The following IPPK variants were observed in gnomAD, a reference collection of about 807,000 sequenced individuals.
IPPK encodes the protein IPK1 homolog.
A neutral mutation model predicts 64.6 loss-of-function variants in IPPK; 22 were observed. That is an observed-to-expected ratio of 0.34 (90% CI 0.24 to 0.49). IPPK has a LOEUF of 0.49. IPPK is among the 20% of genes least tolerant of loss of function. The pLI is 0.99. For synonymous variants in IPPK, 262 were observed against 247.2 expected, an observed-to-expected ratio of 1.06 and a Z score of -0.56; for missense variants, 532 against 630.7, an observed-to-expected ratio of 0.84 and a Z score of 1.68.
intron 8 of IPPK, among the ~76,000 whole-genome samples, chr9:92,640,073 G>A (rs1199619721): frequency 6.6e-6 from 1 of 152,226 alleles, no homozygotes; most frequent in East Asian, 1.9e-4. Flanking sequence ...CACCTGCGAT[G>A]GCTGTCAGCT....
chr9:92,637,896 A>C, intron 9 of IPPK, 105 bp downstream of exon 9: 1 of 1,259,842 alleles, frequency 7.9e-7, no homozygotes, highest in Non-Finnish European at 1.1e-6. Context: ...GGCATCCCCC[A>C]GAGCCCCCAG....
At chr9:92,644,973 A>G (rs1287101871) in intron 6 of IPPK, among the ~76,000 whole-genome samples, 1 of 152,244 alleles carries the variant, frequency 6.6e-6, no homozygotes, top group Non-Finnish European at 1.5e-5. Flanking sequence ...GACTTCAATC[A>G]ACTATTTTAA....
chr9:92,665,810 A>G (rs922525692), intron 1 of IPPK, among the ~76,000 whole-genome samples: 1 of 151,748 alleles, frequency 6.6e-6, no homozygotes, highest in African/African-American at 2.4e-5. Flanking sequence ...ATCATGCTGT[A>G]TGGCAAAAAA....
Position 92,670,070 on chromosome 9 carries a change from G to A in IPPK, c.-82C>T, listed in dbSNP as rs966173138. On this transcript the variant is annotated 5_prime_UTR_variant, in exon 1 of 13. Coordinates refer to ENST00000287996, the MANE Select transcript of IPPK (RefSeq NM_022755.6). ...CCGCCCGCCTCGCTGGGAACCAGCC[G>A]CTGCGGTCGGGGGAGGAGCGCCTGT... 8 of 1,044,428 alleles carry A rather than the reference G, an allele frequency of 7.7e-6. No individual in the cohort carries two copies. The Admixed American group carries it at 1.4e-4, about 18-fold the overall frequency. 64.7% of individuals were successfully genotyped at this position (1,044,428 alleles called of 1,614,324 possible).
In IPPK at chr9:92,637,922, G is replaced by T. The variant is rs117751089; in HGVS notation, c.916+79C>A. 0.053 allele frequency: 74,322 copies of T among 1,400,976 alleles called. 2,297 individuals carry two copies. The highest frequency in any genetic ancestry group is 0.1 in the South Asian group (6,640 of 65,972). 86.8% of individuals were successfully genotyped at this position (1,400,976 alleles called of 1,614,324 possible). On this transcript the variant is annotated intron_variant, in intron 9 of 12. Coordinates refer to ENST00000287996, the MANE Select transcript of IPPK (RefSeq NM_022755.6). ...GAGCCCCCAGGAGGCTGTGCTGACC[G>T]CCTGGCCACCCATGGGGACTGCAGA...
intron 8 of IPPK, among the ~76,000 whole-genome samples, chr9:92,640,117 T>A (rs2131439996): frequency 6.6e-6 from 1 of 152,312 alleles, no homozygotes; most frequent in East Asian, 1.9e-4. Context: ...TCCCCAGGTG[T>A]CACTTATGTG....
chr9:92,634,343 AAGCTAAGGATCACAC>A, intron 11 of IPPK, 28 bp downstream of exon 11: 1 of 1,340,174 alleles, frequency 7.5e-7, no homozygotes, highest in Non-Finnish European at 1.1e-6. Context: ...TAGTGCTAAG[AAGCTAAGGATCACAC>A]AGCAAGTTTT....
intron 3 of IPPK, 113 bp downstream of exon 3, chr9:92,656,335 CACTTGGAG>C: frequency 1.5e-6 from 1 of 687,328 alleles, no homozygotes; most frequent in Non-Finnish European, 2.7e-6. Context: ...AAATGAGAAA[CACTTGGAG>C]ACTAGCTGGA....
intron 9 of IPPK, 65 bp downstream of exon 9, chr9:92,637,936 G>A (rs1156776385): frequency 1.4e-5 from 20 of 1,427,326 alleles, no homozygotes; most frequent in Non-Finnish European, 1.8e-5. Context: ...GGCCACCCAT[G>A]GGGACTGCAG....
intron 1 of IPPK, among the ~76,000 whole-genome samples, chr9:92,666,681 A>G (rs1852604647): frequency 6.6e-6 from 1 of 152,228 alleles, no homozygotes; most frequent in Admixed American, 6.5e-5. Flanking sequence ...CATCCCAAAC[A>G]GAGGCAGAAT....
chr9:92,649,565 C>T lies in IPPK; in HGVS notation c.302G>A (p.Cys101Tyr). The T allele has an allele frequency of 1.9e-6, 3 of 1,613,996 alleles. No homozygotes were observed. The South Asian group carries it at 3.3e-5, about 18-fold the overall frequency. ...KIQSERPESR[C>Y]DKDLDTLSGY... ...ACTGAGAGTATCCAGGTCCTTGTCACAGCGAGACTCTGGAAAACAGAGCAA... is the reference window on the plus strand; with the variant it reads ...ACTGAGAGTATCCAGGTCCTTGTCATAGCGAGACTCTGGAAAACAGAGCAA... Residue 101 changes from cysteine (C) to tyrosine (Y), a missense_variant, in exon 5 of 13, where the codon TGT (cysteine) becomes TAT (tyrosine). By Grantham distance (194) the Cys-to-Tyr change is radical. Transcript: ENST00000287996.
intron 3 of IPPK, among the ~76,000 whole-genome samples, chr9:92,653,410 T>C (rs1247278453): frequency 6.6e-6 from 1 of 152,138 alleles, no homozygotes; most frequent in Non-Finnish European, 1.5e-5. Flanking sequence ...CCCCTGTCCA[T>C]TCCCAGTCGG....
At chr9:92,643,109 T>C (rs949243455) in intron 6 of IPPK, among the ~76,000 whole-genome samples, 1 of 152,232 alleles carries the variant, frequency 6.6e-6, no homozygotes, top group East Asian at 1.9e-4. Flanking sequence ...CATGGCTAAA[T>C]TTTGGTAATG....
At chr9:92,653,371 G>T (rs985991104) in intron 3 of IPPK, among the ~76,000 whole-genome samples, 1 of 151,896 alleles carries the variant, frequency 6.6e-6, no homozygotes. Flanking sequence ...CCCACCCTGC[G>T]CCGTCACATC....
At chr9:92,669,368 G>A (rs1852676201) in intron 1 of IPPK, among the ~76,000 whole-genome samples, 2 of 152,366 alleles carry the variant, frequency 1.3e-5, no homozygotes, top group East Asian at 1.9e-4. Flanking sequence ...AGGTTGAGAA[G>A]AGGACCTGTG....
At chr9:92,622,854 T>A (rs1851668277) in intron 11 of IPPK, among the ~76,000 whole-genome samples, 1 of 152,168 alleles carries the variant, frequency 6.6e-6, no homozygotes, top group Admixed American at 6.5e-5. Flanking sequence ...ACAGAAGGAT[T>A]TGTCAGATAT....
intron 11 of IPPK, among the ~76,000 whole-genome samples, chr9:92,628,916 A>G (rs1851781626): frequency 6.6e-6 from 1 of 152,030 alleles, no homozygotes; most frequent in South Asian, 2.1e-4. Flanking sequence ...GGACAACTGT[A>G]TATCTACATG....
rs569838048 is a variant in IPPK, at chr9:92,626,873, A to C, written c.1171-7308T>G. Among the ~76,000 whole-genome samples the C allele has an allele frequency of 5.3e-5, 8 of 152,256 alleles. No homozygotes were observed. In the East Asian group the frequency reaches 1.5e-3, roughly 29 times the overall value. On this transcript the variant is annotated intron_variant, in intron 11 of 12. Transcript: ENST00000287996. ...AGGACAGACTATCAGAAGACATCTTAACAGCAAAAACCAGATGTTGTATGA... is the reference window on the plus strand; with the variant it reads ...AGGACAGACTATCAGAAGACATCTTCACAGCAAAAACCAGATGTTGTATGA...
At chr9:92,638,702 A>G (rs1851991275) in intron 8 of IPPK, among the ~76,000 whole-genome samples, 1 of 152,258 alleles carries the variant, frequency 6.6e-6, no homozygotes, top group African/African-American at 2.4e-5. Flanking sequence ...CAGCACCAGC[A>G]CCACAAACGA....
Sources: allele counts gnomAD v4.1 joint callset (sites outside exome capture counted in the v4.1 genomes callset), GRCh38; gene constraint gnomAD v4.1.1; transcripts MANE v1.5; gene names NCBI Gene and HGNC (gene_info 2026-07-23, HGNC 2026-07-21).